STAU2: variants seen among roughly 807,000 people sequenced by gnomAD.
STAU2 encodes the protein double-stranded RNA-binding protein Staufen homolog 2.
In STAU2, 20 loss-of-function variants were observed where a neutral mutation model predicts 65.9. The observed-to-expected ratio is 0.30, with a 90% confidence interval of 0.21 to 0.44. STAU2 has a LOEUF of 0.44. Ranked by LOEUF, STAU2 falls within the 20% of genes least tolerant of loss-of-function variation. STAU2 has a pLI of 1.00. For missense variants in STAU2, 558 were observed against 683.9 expected, an observed-to-expected ratio of 0.82 and a Z score of 2.05; for synonymous variants, 232 against 233.9, an observed-to-expected ratio of 0.99 and a Z score of 0.07.
chr8:73,581,279 TAA>T (rs1323190384), intron 12 of STAU2, among the ~76,000 whole-genome samples: 1 of 152,186 alleles, frequency 6.6e-6, no homozygotes, highest in African/African-American at 2.4e-5. Flanking sequence ...TTAAAATACA[TAA>T]AGTTTATATT....
chr8:73,447,189 C>T (rs1409228304), intron 13 of STAU2, among the ~76,000 whole-genome samples: 4 of 152,196 alleles, frequency 2.6e-5, no homozygotes, highest in Non-Finnish European at 5.9e-5. Context: ...CGTGATCTGC[C>T]CGCCTCGGCC....
At chr8:73,616,921 C>T (rs1376592052) in intron 7 of STAU2, among the ~76,000 whole-genome samples, 4 of 152,194 alleles carry the variant, frequency 2.6e-5, no homozygotes, top group Non-Finnish European at 4.4e-5. Context: ...AGAACAGCCT[C>T]AATGTCATTT....
intron 3 of STAU2, among the ~76,000 whole-genome samples, chr8:73,733,858 C>CGTAT (rs2130760838): frequency 6.6e-6 from 1 of 152,224 alleles, no homozygotes; most frequent in African/African-American, 2.4e-5. Flanking sequence ...GGGAGCTATA[C>CGTAT]ACCAAATATC....
At chr8:73,656,360 T>C (rs1176638873) in intron 6 of STAU2, among the ~76,000 whole-genome samples, 2 of 152,242 alleles carry the variant, frequency 1.3e-5, no homozygotes, top group East Asian at 3.8e-4. Context: ...TCAGAAATTA[T>C]TTTTAATGAC....
chr8:73,708,560 TTAA>T (rs1586319496), intron 4 of STAU2, among the ~76,000 whole-genome samples: 1 of 152,222 alleles, frequency 6.6e-6, no homozygotes, highest in African/African-American at 2.4e-5. Context: ...TTATAAATGA[TTAA>T]TGTTAGAATT....
intron 5 of STAU2, among the ~76,000 whole-genome samples, chr8:73,684,206 CTACAT>C (rs1253845098): frequency 3.3e-5 from 5 of 152,086 alleles, no homozygotes; most frequent in African/African-American, 9.7e-5. Context: ...TGACTTCATA[CTACAT>C]TATAAGGCTA....
chr8:73,671,535 C>CT (rs1169710091), intron 6 of STAU2, among the ~76,000 whole-genome samples: 4 of 152,080 alleles, frequency 2.6e-5, no homozygotes, highest in Admixed American at 2.6e-4. Context: ...TTGGGCAATG[C>CT]TTTATTCTTT....
intron 5 of STAU2, among the ~76,000 whole-genome samples, chr8:73,685,533 C>T (rs1479732724): frequency 6.6e-6 from 1 of 152,022 alleles, no homozygotes. Context: ...CCCGCCACTG[C>T]CCGGCTAATT....
At chr8:73,556,632 C>T (rs1049311071) in intron 12 of STAU2, among the ~76,000 whole-genome samples, 1 of 152,146 alleles carries the variant, frequency 6.6e-6, no homozygotes, top group African/African-American at 2.4e-5. Context: ...TGGCAGGCGC[C>T]TGAAATCCCA....
At chr8:73,477,098 G>A (rs1046964563) in intron 13 of STAU2, among the ~76,000 whole-genome samples, 4 of 152,288 alleles carry the variant, frequency 2.6e-5, no homozygotes, top group African/African-American at 7.2e-5. Flanking sequence ...CCGGGTAGGT[G>A]GGGGTGGAGT....
At chr8:73,486,032 G>T (rs1049287833) in intron 13 of STAU2, among the ~76,000 whole-genome samples, 2 of 152,092 alleles carry the variant, frequency 1.3e-5, no homozygotes, top group Admixed American at 6.6e-5. Context: ...TCAGGGTCTT[G>T]GCTTCTTCTC....
chr8:73,495,277 T>C (rs1368260853), intron 13 of STAU2, among the ~76,000 whole-genome samples: 1 of 151,576 alleles, frequency 6.6e-6, no homozygotes, highest in Non-Finnish European at 1.5e-5. Context: ...ACCTGTTAAG[T>C]GCTGTTAGAG....
At chr8:73,430,858 C>A (rs760212634) in intron 13 of STAU2, among the ~76,000 whole-genome samples, 6 of 152,132 alleles carry the variant, frequency 3.9e-5, no homozygotes, top group Admixed American at 1.3e-4. Flanking sequence ...TTAAAAGACA[C>A]TTTGGAATGA....
At chr8:73,564,637 A>G (rs1808468379) in intron 12 of STAU2, among the ~76,000 whole-genome samples, 1 of 152,120 alleles carries the variant, frequency 6.6e-6, no homozygotes. Flanking sequence ...ACAAACCTGC[A>G]TGTGTACCCC....
chr8:73,730,751 CA>C (rs1177918100), intron 3 of STAU2, among the ~76,000 whole-genome samples: 27 of 129,890 alleles, frequency 2.1e-4, no homozygotes, highest in African/African-American at 2.3e-4. Flanking sequence ...AAAAAAAAGA[CA>C]AAAAAAAAAG....
At chr8:73,728,880 T>C (rs1418947395) in intron 3 of STAU2, among the ~76,000 whole-genome samples, 1 of 152,196 alleles carries the variant, frequency 6.6e-6, no homozygotes. Flanking sequence ...GAGACAGTTT[T>C]ATTTCTTCCT....
intron 12 of STAU2, among the ~76,000 whole-genome samples, chr8:73,556,630 G>C (rs983376646): frequency 6.6e-6 from 1 of 152,082 alleles, no homozygotes; most frequent in Admixed American, 6.5e-5. Context: ...AGTGGCAGGC[G>C]CCTGAAATCC....
At chr8:73,693,596 A>T (rs1442417283) in intron 4 of STAU2, among the ~76,000 whole-genome samples, 2 of 151,964 alleles carry the variant, frequency 1.3e-5, no homozygotes, top group Admixed American at 1.3e-4. Flanking sequence ...CGACATGAAC[A>T]TTCTGTAAAA....
At chr8:73,532,781 A>T (rs1805907943) in intron 13 of STAU2, among the ~76,000 whole-genome samples, 2 of 152,186 alleles carry the variant, frequency 1.3e-5, no homozygotes. Flanking sequence ...TATCTTAAGC[A>T]TTTATTTCTA....
Sources: allele counts gnomAD v4.1 joint callset (sites outside exome capture counted in the v4.1 genomes callset), GRCh38; gene constraint gnomAD v4.1.1; transcripts MANE v1.5; gene names NCBI Gene and HGNC (gene_info 2026-07-23, HGNC 2026-07-21).